Variants in FBXO4 observed in about 807,000 individuals in gnomAD.
FBXO4 encodes the protein F-box only protein 4.
In FBXO4, 36 loss-of-function variants were observed where a neutral mutation model predicts 43.7. That is an observed-to-expected ratio of 0.82 (90% CI 0.63 to 1.09). The LOEUF (loss-of-function observed/expected upper bound fraction) is 1.09, where lower values mean the gene tolerates loss of function less well. Ranked by LOEUF, FBXO4 falls within the 50% of genes least tolerant of loss-of-function variation. The pLI is 0.00. For missense variants in FBXO4, 435 were observed against 474.1 expected, an observed-to-expected ratio of 0.92 and a Z score of 0.77; for synonymous variants, 180 against 165.6, an observed-to-expected ratio of 1.09 and a Z score of -0.67.
the FBXO4 span, chr5:41,968,005 G>T: frequency 2.3e-5 from 10 of 431,218 alleles, no homozygotes; most frequent in Admixed American, 5.5e-5. Context: ...GTTGCCAGAG[G>T]CCACCTGCTC....
At chr5:41,992,716 T>C in the FBXO4 span, among the ~76,000 whole-genome samples, 1 of 152,338 alleles carries the variant, frequency 6.6e-6, no homozygotes, top group South Asian at 2.1e-4. Flanking sequence ...TGTTTTGGAA[T>C]TTTTCTTTTT....
At chr5:42,030,623 A>C in the FBXO4 span, among the ~76,000 whole-genome samples, 1 of 151,774 alleles carries the variant, frequency 6.6e-6, no homozygotes, top group Admixed American at 6.7e-5. Context: ...TAATTAAACT[A>C]AAGAGCTTCT....
the FBXO4 span, among the ~76,000 whole-genome samples, chr5:41,998,263 C>A: frequency 6.6e-6 from 1 of 152,220 alleles, no homozygotes; most frequent in Non-Finnish European, 1.5e-5. Flanking sequence ...GTGGTTCCCA[C>A]CATTAGATCT....
chr5:41,983,973 C>CCT, the FBXO4 span, among the ~76,000 whole-genome samples: 24 of 151,922 alleles, frequency 1.6e-4, no homozygotes, highest in African/African-American at 5.8e-4. Flanking sequence ...GTTTATCATA[C>CCT]CTCTGCCTAT....
At chr5:41,936,596 C>T (rs1463166085) in intron 5 of FBXO4, among the ~76,000 whole-genome samples, 11 of 151,840 alleles carry the variant, frequency 7.2e-5, no homozygotes, top group African/African-American at 2.7e-4. Flanking sequence ...TATGTGTGAA[C>T]AGATAGATTT....
At chr5:41,968,008 A>C in the FBXO4 span, 1 of 430,008 alleles carries the variant, frequency 2.3e-6, no homozygotes, top group Non-Finnish European at 4.8e-6. Flanking sequence ...GCCAGAGGCC[A>C]CCTGCTCCTC....
At chr5:41,929,984 GA>G in intron 3 of FBXO4, 67 bp downstream of exon 3, 1 of 1,260,930 alleles carries the variant, frequency 7.9e-7, no homozygotes. Flanking sequence ...TAAAAAGAAA[GA>G]AATTCATTTT....
the FBXO4 span, among the ~76,000 whole-genome samples, chr5:41,964,445 TA>T: frequency 6.6e-6 from 1 of 152,116 alleles, no homozygotes; most frequent in African/African-American, 2.4e-5. Context: ...AAAGTCTGAT[TA>T]AAATCAATAT....
chr5:41,963,570 C>A, the FBXO4 span, among the ~76,000 whole-genome samples: 12,110 of 152,038 alleles, frequency 0.08, 695 homozygotes, highest in African/African-American at 0.16. Context: ...ATTTTGTATA[C>A]GTATTTTGTC....
chr5:42,008,028 G>C, the FBXO4 span, among the ~76,000 whole-genome samples: 1 of 152,054 alleles, frequency 6.6e-6, no homozygotes, highest in African/African-American at 2.4e-5. Context: ...GACTCAGGAA[G>C]AATCACATGA....
chr5:41,943,113 A>G (rs114012339), downstream of FBXO4, among the ~76,000 whole-genome samples: 581 of 152,274 alleles, frequency 3.8e-3, 5 homozygotes, highest in African/African-American at 0.013. Context: ...GAATTCTATT[A>G]TAATTCAAGT....
the FBXO4 span, among the ~76,000 whole-genome samples, chr5:42,040,375 C>T: frequency 6.6e-6 from 1 of 152,082 alleles, no homozygotes; most frequent in South Asian, 2.1e-4. Context: ...AAGTAATAAA[C>T]ACTTAATATG....
chr5:42,032,935 T>C, the FBXO4 span, among the ~76,000 whole-genome samples: 1 of 152,112 alleles, frequency 6.6e-6, no homozygotes, highest in Non-Finnish European at 1.5e-5. Flanking sequence ...CCAAGGGCTC[T>C]TCAATTAGCA....
the FBXO4 span, among the ~76,000 whole-genome samples, chr5:42,003,006 C>T: frequency 1.3e-5 from 2 of 152,044 alleles, no homozygotes; most frequent in African/African-American, 4.8e-5. Flanking sequence ...TTTGTGATTC[C>T]AGTTTTACAT....
At position 41,934,313 on chromosome 5, in the gene FBXO4, G is replaced by A. The variant is rs1396439979; in HGVS notation, c.898+5G>A. 1 of 1,613,904 alleles carries A rather than the reference G, an allele frequency of 6.2e-7. No individual in the cohort carries two copies. Among genetic ancestry groups the A allele is most frequent in the Non-Finnish European group, 8.5e-7 (1 of 1,179,972 alleles). Reference sequence around the variant, plus strand: ...CAAATGCTGAAGCTCATAAAAGTAAGTACTCATATGTACATTTTTAAGCAC... The same window carrying A: ...CAAATGCTGAAGCTCATAAAAGTAAATACTCATATGTACATTTTTAAGCAC... On this transcript the variant is annotated splice_donor_5th_base_variant and intron_variant, in intron 5 of 6. Transcript: ENST00000281623.
At chr5:41,963,660 T>C in the FBXO4 span, among the ~76,000 whole-genome samples, 4 of 152,194 alleles carry the variant, frequency 2.6e-5, no homozygotes, top group Admixed American at 2.0e-4. Flanking sequence ...ATATTTACTA[T>C]CCATTAAGTG....
chr5:42,003,045 A>T, the FBXO4 span, among the ~76,000 whole-genome samples: 1 of 152,206 alleles, frequency 6.6e-6, no homozygotes, highest in Non-Finnish European at 1.5e-5. Flanking sequence ...TTTGTAACGT[A>T]ACCTGCTTAG....
the FBXO4 span, among the ~76,000 whole-genome samples, chr5:41,947,657 G>A: frequency 5.9e-5 from 9 of 152,194 alleles, no homozygotes; most frequent in African/African-American, 1.9e-4. Flanking sequence ...GAGGAGGCAG[G>A]AAATTGGGAG....
chr5:41,961,940 T>A, the FBXO4 span, among the ~76,000 whole-genome samples: 2 of 152,216 alleles, frequency 1.3e-5, no homozygotes, highest in Non-Finnish European at 2.9e-5. Flanking sequence ...TTCTTCTTTG[T>A]TCCTTGCTCT....
Sources: allele counts gnomAD v4.1 joint callset (sites outside exome capture counted in the v4.1 genomes callset), GRCh38; gene constraint gnomAD v4.1.1; transcripts MANE v1.5; gene names NCBI Gene and HGNC (gene_info 2026-07-23, HGNC 2026-07-21).